Variants in CCSER1 observed in about 807,000 individuals in gnomAD.
CCSER1 encodes serine-rich coiled-coil domain-containing protein 1.
Under a neutral mutation model 82.0 loss-of-function variants are expected in CCSER1, and 41 were observed. The ratio of observed to expected loss-of-function variants is 0.50; its 90% CI spans 0.39 to 0.65. The LOEUF (loss-of-function observed/expected upper bound fraction) is 0.65, where lower values mean the gene tolerates loss of function less well. Ranked by LOEUF, CCSER1 falls within the 30% of genes least tolerant of loss-of-function variation. CCSER1 has a pLI of 0.00. For synonymous variants in CCSER1, 414 were observed against 383.9 expected (o/e 1.08, Z -0.92); for missense variants, 1,119 against 1,064.2 (o/e 1.05, Z -0.72).
chr4:91,145,128 T>A (rs1048447784), intron 10 of CCSER1, among the ~76,000 whole-genome samples: 1 of 152,150 alleles, frequency 6.6e-6, no homozygotes, highest in Non-Finnish European at 1.5e-5. Flanking sequence ...TGTTTATGAA[T>A]CTGGGTCCTC....
Position 91,599,942 on chromosome 4 carries a change from TCTTTA to T in CCSER1, c.*890_*894del, listed in dbSNP as rs1764748092. ...AACATCCTAAGAAAATTATTCTTTTTCTTTACTTTCCTTATTTTTTAAAATGTTCT... is the reference window on the plus strand; with the variant it reads ...AACATCCTAAGAAAATTATTCTTTTTCTTTCCTTATTTTTTAAAATGTTCT... On this transcript the variant is annotated 3_prime_UTR_variant, in exon 11 of 11. Coordinates refer to ENST00000509176, the MANE Select transcript of CCSER1 (RefSeq NM_001145065.2). 6.6e-6 allele frequency: 1 copy of T among 152,198 alleles called. No individual in the cohort carries two copies. The highest frequency in any genetic ancestry group is 2.4e-5 in the African/African-American group (1 of 41,462). The allele number at this position is 152,198 out of a possible 1,614,324, so 9.4% of individuals were successfully genotyped here. A position where few individuals can be genotyped will look rare whatever the true frequency, so the allele number is the denominator to read the frequency against.
intron 10 of CCSER1, among the ~76,000 whole-genome samples, chr4:91,215,794 T>C (rs1230381140): frequency 6.6e-6 from 1 of 152,172 alleles, no homozygotes. Context: ...AACCATCATA[T>C]TAAGTACATT....
intron 4 of CCSER1, among the ~76,000 whole-genome samples, chr4:90,448,609 C>G (rs934450347): frequency 4.6e-5 from 7 of 151,534 alleles, no homozygotes; most frequent in African/African-American, 1.7e-4. Context: ...ATAACATGGA[C>G]AAATCATTGT....
intron 10 of CCSER1, among the ~76,000 whole-genome samples, chr4:91,102,788 C>G (rs1478113039): frequency 1.3e-5 from 2 of 152,150 alleles, no homozygotes; most frequent in Non-Finnish European, 2.9e-5. Context: ...GAAAATACTA[C>G]TCCAGATGGT....
chr4:90,919,831 T>C (rs978887331), intron 8 of CCSER1, among the ~76,000 whole-genome samples: 50 of 152,016 alleles, frequency 3.3e-4, no homozygotes, highest in African/African-American at 1.1e-3. Flanking sequence ...TCTGTCACTT[T>C]CATCTCATTT....
chr4:90,203,761 C>T (rs554318434), intron 1 of CCSER1, among the ~76,000 whole-genome samples: 6 of 152,238 alleles, frequency 3.9e-5, no homozygotes, highest in South Asian at 2.1e-4. Context: ...CATGAGGAAT[C>T]GCCACCCTGT....
At chr4:90,456,878 G>A (rs549138351) in intron 4 of CCSER1, among the ~76,000 whole-genome samples, 90 of 152,190 alleles carry the variant, frequency 5.9e-4, no homozygotes, top group Non-Finnish European at 9.7e-4. Context: ...GTGTTGCTTT[G>A]CCAGCTAGAA....
At chr4:91,472,448 A>G (rs1031055368) in intron 10 of CCSER1, among the ~76,000 whole-genome samples, 2 of 152,130 alleles carry the variant, frequency 1.3e-5, no homozygotes, top group Non-Finnish European at 2.9e-5. Flanking sequence ...GTAAACCCCA[A>G]TCCTTTCTTT....
chr4:91,033,163 G>C (rs1741133940), intron 9 of CCSER1, among the ~76,000 whole-genome samples: 1 of 152,020 alleles, frequency 6.6e-6, no homozygotes, highest in Admixed American at 6.6e-5. Flanking sequence ...GCACGAAATA[G>C]AATACACACA....
chr4:91,442,092 G>A (rs561696688), intron 10 of CCSER1, among the ~76,000 whole-genome samples: 2 of 152,044 alleles, frequency 1.3e-5, no homozygotes, highest in South Asian at 4.2e-4. Flanking sequence ...AGCTACCAAT[G>A]ACTTTCTTCA....
intron 8 of CCSER1, among the ~76,000 whole-genome samples, chr4:90,881,658 G>A (rs557411932): frequency 4.6e-5 from 7 of 152,254 alleles, no homozygotes; most frequent in South Asian, 2.1e-4. Context: ...GGTGGCACAC[G>A]CCTGTGGTCC....
chr4:90,500,532 T>C (rs912871969), intron 5 of CCSER1, among the ~76,000 whole-genome samples: 2 of 152,118 alleles, frequency 1.3e-5, no homozygotes, highest in African/African-American at 4.8e-5. Flanking sequence ...GATCTCACTA[T>C]GTTGGCCAGG....
intron 10 of CCSER1, among the ~76,000 whole-genome samples, chr4:91,475,635 C>T (rs113341031): frequency 0.01 from 1,588 of 151,958 alleles, 13 homozygotes; most frequent in Middle Eastern, 0.02. Flanking sequence ...CTACCTCAAA[C>T]ATTTATTACT....
At chr4:90,239,518 T>C (rs1746442611) in intron 1 of CCSER1, among the ~76,000 whole-genome samples, 1 of 152,192 alleles carries the variant, frequency 6.6e-6, no homozygotes, top group Non-Finnish European at 1.5e-5. Context: ...ATATATATAT[T>C]AGAGGCAGAG....
chr4:91,154,703 G>A (rs1730626636), intron 10 of CCSER1, among the ~76,000 whole-genome samples: 1 of 152,096 alleles, frequency 6.6e-6, no homozygotes, highest in Non-Finnish European at 1.5e-5. Flanking sequence ...ATAGAAAGAA[G>A]TAAACCAGTA....
chr4:90,493,472 A>G (rs565497733), intron 5 of CCSER1, among the ~76,000 whole-genome samples: 111 of 152,314 alleles, frequency 7.3e-4, no homozygotes, highest in African/African-American at 2.5e-3. Flanking sequence ...CAGATTCACC[A>G]AAGTTGAAAT....
At chr4:91,149,775 G>C (rs1225252908) in intron 10 of CCSER1, among the ~76,000 whole-genome samples, 2 of 152,144 alleles carry the variant, frequency 1.3e-5, no homozygotes, top group Non-Finnish European at 2.9e-5. Flanking sequence ...ATTTGTCAAA[G>C]ATCAGGTGGT....
chr4:90,938,695 G>A, intron 9 of CCSER1: 2 of 409,286 alleles, frequency 4.9e-6, no homozygotes, highest in Non-Finnish European at 1.0e-5. Flanking sequence ...AATCCTACAT[G>A]CACTGAAGGT....
In CCSER1 at chr4:91,023,014, A is replaced by G. The variant is rs201182939; in HGVS notation, c.2173-62936A>G. 8.5e-5 allele frequency among the ~76,000 whole-genome samples: 13 copies of G among 152,228 alleles called. No individual in the cohort carries two copies. In the East Asian group the frequency reaches 2.5e-3, roughly 29 times the overall value. On this transcript the variant is annotated intron_variant, in intron 9 of 10. Transcript: ENST00000509176. ...TGCTGTGCAGAAGCTCTTTAGTTTA[A>G]TTAGATCCCATTTGTCAATTTTGGC...
Sources: gnomAD v4.1 joint callset for allele counts (sites outside exome capture counted in the v4.1 genomes callset) on GRCh38, gnomAD v4.1.1 for gene constraint, MANE v1.5 for transcripts, NCBI Gene and HGNC (gene_info 2026-07-23, HGNC 2026-07-21) for gene names.